PTPRD: variants seen among roughly 807,000 people sequenced by gnomAD.
PTPRD encodes receptor-type tyrosine-protein phosphatase delta.
In PTPRD, 34 loss-of-function variants were observed where a neutral mutation model predicts 214.5. The observed-to-expected ratio is 0.16, with a 90% confidence interval of 0.12 to 0.21. PTPRD has a LOEUF of 0.21. Ranked by LOEUF, PTPRD falls within the 10% of genes least tolerant of loss-of-function variation. PTPRD has a pLI of 1.00. For synonymous variants in PTPRD, 1,128 were observed against 845.7 expected (o/e 1.33, Z -5.79); for missense variants, 2,545 against 2,398.7 (o/e 1.06, Z -1.27).
intron 11 of PTPRD, among the ~76,000 whole-genome samples, chr9:8,935,913 T>C (rs2098993632): frequency 6.6e-6 from 1 of 152,140 alleles, no homozygotes; most frequent in African/African-American, 2.4e-5. Context: ...CTCCAAATAT[T>C]GCTGGAAGTC....
rs35162141 is a variant in PTPRD at position 8,678,841 on chromosome 9, TA to T, written c.65-41998del. On this transcript the variant is annotated intron_variant, in intron 12 of 45. Transcript: ENST00000381196. Reference sequence around the variant, plus strand: ...AAAATTGATGGCATGGTTTGGAACCTATTCTCTGGATTAAAAGTAGGGTCCA... The same window carrying T: ...AAAATTGATGGCATGGTTTGGAACCTTTCTCTGGATTAAAAGTAGGGTCCA... Among the ~76,000 whole-genome samples, 86 of 152,348 alleles carry T rather than the reference TA, an allele frequency of 5.6e-4. No homozygotes were observed. The East Asian group carries it at 0.016, about 28-fold the overall frequency.
At chr9:8,986,468 T>A (rs1051128393) in intron 11 of PTPRD, among the ~76,000 whole-genome samples, 1 of 151,716 alleles carries the variant, frequency 6.6e-6, no homozygotes, top group South Asian at 2.1e-4. Context: ...ATGTCATATT[T>A]TTTTCTTATT....
At chr9:8,685,198 A>C (rs1467277627) in intron 12 of PTPRD, among the ~76,000 whole-genome samples, 1 of 152,140 alleles carries the variant, frequency 6.6e-6, no homozygotes, top group Non-Finnish European at 1.5e-5. Context: ...AGATGAAAGG[A>C]ACCATCTTTC....
intron 3 of PTPRD, among the ~76,000 whole-genome samples, chr9:10,308,742 T>G (rs1022499258): frequency 6.6e-6 from 1 of 152,084 alleles, no homozygotes; most frequent in East Asian, 1.9e-4. Flanking sequence ...TGATTACTGG[T>G]ATGCAGTTTT....
intron 4 of PTPRD, among the ~76,000 whole-genome samples, chr9:9,966,326 A>G (rs775395536): frequency 1.3e-5 from 2 of 152,220 alleles, no homozygotes; most frequent in Admixed American, 6.5e-5. Context: ...CAGACTTTCT[A>G]GGTTCATAGA....
intron 11 of PTPRD, among the ~76,000 whole-genome samples, chr9:8,777,621 T>G (rs926458191): frequency 1.3e-5 from 2 of 152,230 alleles, no homozygotes; most frequent in East Asian, 1.9e-4. Flanking sequence ...CATTAATTTT[T>G]GTAAGTCAGT....
chr9:8,607,796 C>G (rs938895760), intron 14 of PTPRD, among the ~76,000 whole-genome samples: 2 of 152,130 alleles, frequency 1.3e-5, no homozygotes, highest in African/African-American at 4.8e-5. Flanking sequence ...AATAAATAAA[C>G]ACAAATATTT....
chr9:10,515,290 T>G (rs760541940), intron 2 of PTPRD, among the ~76,000 whole-genome samples: 1 of 151,984 alleles, frequency 6.6e-6, no homozygotes, highest in African/African-American at 2.4e-5. Context: ...TATAAATTTT[T>G]TATGCTCCAT....
chr9:10,280,368 A>ACG (rs2095032351), intron 3 of PTPRD, among the ~76,000 whole-genome samples: 1 of 127,786 alleles, frequency 7.8e-6, no homozygotes. Context: ...CACCACACAC[A>ACG]CACACACACA....
chr9:10,298,785 C>T (rs191832995), intron 3 of PTPRD, among the ~76,000 whole-genome samples: 14 of 152,116 alleles, frequency 9.2e-5, no homozygotes, highest in Admixed American at 4.6e-4. Context: ...CACTGAAAGG[C>T]ATTCTCTACT....
intron 9 of PTPRD, among the ~76,000 whole-genome samples, chr9:9,220,577 G>A (rs1386747788): frequency 6.6e-6 from 1 of 151,950 alleles, no homozygotes. Flanking sequence ...TGATATAATA[G>A]CACATCTTTC....
intron 14 of PTPRD, among the ~76,000 whole-genome samples, chr9:8,606,435 C>T (rs150948210): frequency 1.3e-5 from 2 of 152,278 alleles, no homozygotes; most frequent in African/African-American, 4.8e-5. Context: ...AATGAAGAGA[C>T]ATGAAGCATA....
intron 2 of PTPRD, among the ~76,000 whole-genome samples, chr9:10,441,611 T>G (rs2098759154): frequency 6.6e-6 from 1 of 151,604 alleles, no homozygotes; most frequent in Non-Finnish European, 1.5e-5. Flanking sequence ...GCTTATTACT[T>G]ACTATACTAT....
chr9:10,197,389 G>T (rs143291803), intron 3 of PTPRD, among the ~76,000 whole-genome samples: 102 of 152,222 alleles, frequency 6.7e-4, no homozygotes, highest in African/African-American at 2.4e-3. Context: ...AGAAATGTGA[G>T]ATCATTCCCT....
At chr9:10,286,488 C>A (rs2095358265) in intron 3 of PTPRD, among the ~76,000 whole-genome samples, 1 of 152,046 alleles carries the variant, frequency 6.6e-6, no homozygotes, top group Admixed American at 6.6e-5. Context: ...AAAATTAAAT[C>A]TCTGATGCAA....
At chr9:8,697,672 C>CTTGT (rs2097952711) in intron 12 of PTPRD, among the ~76,000 whole-genome samples, 1 of 71,736 alleles carries the variant, frequency 1.4e-5, no homozygotes, top group African/African-American at 8.5e-5. Context: ...ATCCACCTGC[C>CTTGT]TTGGCCTCTC....
chr9:9,542,696 A>G (rs76536102), intron 8 of PTPRD, among the ~76,000 whole-genome samples: 34,482 of 151,638 alleles, frequency 0.23, 4,261 homozygotes, highest in Non-Finnish European at 0.26. Flanking sequence ...ATGGTCACCA[A>G]TCAAGTGAAA....
chr9:9,317,494 T>TGTCTACCCCACCTCCTAAAC, intron 9 of PTPRD, among the ~76,000 whole-genome samples: 1 of 152,240 alleles, frequency 6.6e-6, no homozygotes, highest in Middle Eastern at 3.4e-3. Context: ...GATGAAGTTC[T>TGTCTACCCCACCTCCTAAAC]GTCTACCCCA....
intron 8 of PTPRD, among the ~76,000 whole-genome samples, chr9:9,499,318 G>T (rs1246189237): frequency 2.0e-5 from 3 of 152,000 alleles, no homozygotes; most frequent in Non-Finnish European, 4.4e-5. Context: ...TTCATGGCAG[G>T]GAAAGATCAT....
Sources: allele counts gnomAD v4.1 joint callset (sites outside exome capture counted in the v4.1 genomes callset), GRCh38; gene constraint gnomAD v4.1.1; transcripts MANE v1.5; gene names NCBI Gene and HGNC (gene_info 2026-07-23, HGNC 2026-07-21).